Variants in C2orf72 observed in about 807,000 individuals in gnomAD.
C2orf72 encodes the protein chromosome 2 open reading frame 72, also known as uncharacterized protein C2orf72.
In C2orf72, 16 loss-of-function variants were observed where a neutral mutation model predicts 14.4. The observed-to-expected ratio is 1.11, with a 90% CI of 0.75 to 1.69. The LOEUF (loss-of-function observed/expected upper bound fraction) is 1.69, where lower values mean the gene tolerates loss of function less well. Ranked by LOEUF, C2orf72 falls within the 40% of genes most tolerant of loss-of-function variation. The pLI, the probability that C2orf72 is intolerant of heterozygous loss-of-function variation, is 0.00. For missense variants in C2orf72, 371 were observed against 358.3 expected, an observed-to-expected ratio of 1.04 and a Z score of -0.29; for synonymous variants, 168 against 176.8, an observed-to-expected ratio of 0.95 and a Z score of 0.40.
chr2:231,038,116 A>G lies in C2orf72; in HGVS notation c.551A>G (p.Tyr184Cys). The G allele has an allele frequency of 8.6e-7, 1 of 1,163,206 alleles. No homozygotes were observed. The allele number at this position is 1,163,206 out of a possible 1,614,324, so 72.1% of individuals were successfully genotyped here. ...GGGGGGCCCGTGCAGGCGGCCGCCTACTGCCCCGGCCTCCCGGCCTCCTGC... is the reference window on the plus strand; with the variant it reads ...GGGGGGCCCGTGCAGGCGGCCGCCTGCTGCCCCGGCCTCCCGGCCTCCTGC... The part of the protein sequence containing the change: ...QAGGPVQAAA[Y>C]CPGLPASCLA... Residue 184 changes from tyrosine to cysteine, a missense_variant, in exon 1 of 3, where the codon TAC becomes TGC. By Grantham distance (194) the Tyr-to-Cys change is radical (BLOSUM62 -2). Coordinates refer to ENST00000373640, the MANE Select transcript of C2orf72 (RefSeq NM_001144994.2).
At chr2:231,041,592 G>T (rs562567770) in intron 2 of C2orf72, among the ~76,000 whole-genome samples, 183 bp downstream of exon 2, 5 of 152,034 alleles carry the variant, frequency 3.3e-5, no homozygotes, top group African/African-American at 1.2e-4. Context: ...ACATGGGCTC[G>T]GTCAGGCTGG....
chr2:231,041,277 G>A lies in C2orf72; in HGVS notation c.635-19G>A, dbSNP rs756817878. The A allele has an allele frequency of 2.2e-5, 34 of 1,532,884 alleles. No homozygotes were observed. Among genetic ancestry groups the A allele is most frequent in the Non-Finnish European group, 2.5e-5 (28 of 1,133,044 alleles). The allele number at this position is 1,532,884 out of a possible 1,614,324, so 95.0% of individuals were successfully genotyped here. On this transcript the variant is annotated intron_variant, in intron 1 of 2. Transcript: ENST00000373640. ...GGGAACCATGTGACCCTCTGACTCAGGTTTTGTGTTCTTCCTAGTGGAAGG... is the reference window on the plus strand; with the variant it reads ...GGGAACCATGTGACCCTCTGACTCAAGTTTTGTGTTCTTCCTAGTGGAAGG...
Position 231,046,733 on chromosome 2 carries a change from G to A in C2orf72, c.749-149G>A, listed in dbSNP as rs1038050651. 8.2e-6 allele frequency: 6 copies of A among 733,212 alleles called. No homozygotes were observed. The Admixed American group carries it at 1.5e-4, about 18-fold the overall frequency. 45.4% of individuals were successfully genotyped at this position (733,212 alleles called of 1,614,324 possible). On this transcript the variant is annotated intron_variant, in intron 2 of 2. Transcript: ENST00000373640. ...TAGAAGTGAAATTTGTGGGTCAAAG[G>A]GTGTGTACATCGTTAAGGTTTTTGA...
At chr2:231,042,182 A>C (rs1693353022) in intron 2 of C2orf72, among the ~76,000 whole-genome samples, 1 of 152,118 alleles carries the variant, frequency 6.6e-6, no homozygotes, top group African/African-American at 2.4e-5. Flanking sequence ...TCATCAGGCC[A>C]CTAAATGGAA....
chr2:231,041,309 G>A lies in C2orf72; in HGVS notation c.648G>A (p.Trp216Ter), dbSNP rs1693336511. 1.3e-6 allele frequency: 2 copies of A among 1,550,774 alleles called. No homozygotes were observed. Among genetic ancestry groups the A allele is most frequent in the Non-Finnish European group, 1.7e-6 (2 of 1,146,524 alleles). ...TGTTCTTCCTAGTGGAAGGAGCCTG[G>A]GAGAGGCCAGGCCTCCCCGGACTGC... is the stretch of plus-strand genomic sequence containing the variant. ...AGAGQPVEGA[W>*]ERPGLPGLLA... The change falls in exon 2 of 3, where the codon TGG becomes TGA. Residue 216 changes from tryptophan to a stop codon, truncating the protein, a stop_gained. Coordinates refer to ENST00000373640, the MANE Select transcript of C2orf72 (RefSeq NM_001144994.2). LOFTEE classifies it high-confidence loss of function.
At chr2:231,044,962 T>TATATATATATATATATATATATATACAC (rs985747494) in intron 2 of C2orf72, among the ~76,000 whole-genome samples, 1 of 146,424 alleles carries the variant, frequency 6.8e-6, no homozygotes, top group Non-Finnish European at 1.5e-5. Context: ...TATATATATA[T>TATATATATATATATATATATATATACAC]ACACACACAC....
Position 231,048,020 on chromosome 2 carries a change from T to G in C2orf72, c.*999T>G, listed in dbSNP as rs1280852208. ...GGACTACTGGGTATAGGACTTGCTC[T>G]AGCTCTCAGGTCCTAGCCCAAGCTC... On this transcript the variant is annotated 3_prime_UTR_variant, in exon 3 of 3. Transcript: ENST00000373640. The G allele has an allele frequency of 6.6e-6, 1 of 152,306 alleles. No individual in the cohort carries two copies. Among genetic ancestry groups the G allele is most frequent in the Non-Finnish European group, 1.5e-5 (1 of 68,076 alleles). The allele number at this position is 152,306 out of a possible 1,614,324, so 9.4% of individuals were successfully genotyped here. A position where few individuals can be genotyped will look rare whatever the true frequency, so the allele number is the denominator to read the frequency against.
Position 231,041,365 on chromosome 2 carries a change from G to C in C2orf72, c.704G>C (p.Arg235Pro). ...TGCTTTTCCTGGGGTCCCTGGAGCC[G>C]GAGGAAGAACCAGGATGTTGCTGCC... ...LACFSWGPWS[R>P]RKNQDVAACR... is the part of the protein sequence containing the mutation. Residue 235 changes from arginine to proline, a missense_variant, in exon 2 of 3, where the codon CGG (arginine) becomes CCG (proline). Coordinates refer to ENST00000373640, the MANE Select transcript of C2orf72 (RefSeq NM_001144994.2). 4 of 1,551,524 alleles carry C rather than the reference G, an allele frequency of 2.6e-6. No individual in the cohort carries two copies. Among genetic ancestry groups the C allele is most frequent in the Non-Finnish European group, 3.5e-6 (4 of 1,146,942 alleles).
chr2:231,046,820 C>A lies in C2orf72; in HGVS notation c.749-62C>A, dbSNP rs1015167678. The A allele has an allele frequency of 2.7e-6, 4 of 1,478,614 alleles. No individual in the cohort carries two copies. In the African/African-American group the frequency reaches 5.7e-5, roughly 21 times the overall value. 91.6% of individuals were successfully genotyped at this position (1,478,614 alleles called of 1,614,324 possible). A position where few individuals can be genotyped will look rare whatever the true frequency, so the allele number is the denominator to read the frequency against. On this transcript the variant is annotated intron_variant, in intron 2 of 2. Transcript: ENST00000373640. ...TGGGGACAACTTTCTCCTTTTCCTT[C>A]CTAGATAACTCACTCACAACCTTTC...
intron 2 of C2orf72, among the ~76,000 whole-genome samples, chr2:231,045,314 T>C (rs1693401708): frequency 6.6e-6 from 1 of 151,822 alleles, no homozygotes; most frequent in Non-Finnish European, 1.5e-5. Flanking sequence ...GACAGTACAG[T>C]AACATAGTCA....
intron 2 of C2orf72, among the ~76,000 whole-genome samples, chr2:231,043,913 G>A (rs142721688): frequency 6.6e-6 from 1 of 152,190 alleles, no homozygotes; most frequent in African/African-American, 2.4e-5. Context: ...ACGATAGAGT[G>A]TACTTAGAAA....
chr2:231,046,291 AGTGTGTGTGTGTGTGTGTGTGT>A (rs34513584), intron 2 of C2orf72, among the ~76,000 whole-genome samples: 4 of 136,280 alleles, frequency 2.9e-5, no homozygotes, highest in African/African-American at 8.1e-5. Context: ...ACTTCTATGC[AGTGTGTGTGTGTGTGTGTGTGT>A]GTGTGTGTGT....
At chr2:231,040,045 T>C (rs1693319200) in intron 1 of C2orf72, among the ~76,000 whole-genome samples, 1 of 152,062 alleles carries the variant, frequency 6.6e-6, no homozygotes, top group African/African-American at 2.4e-5. Flanking sequence ...GCCCTGTCCC[T>C]CCTAAGCTTT....
Position 231,038,082 on chromosome 2 carries a change from C to T in C2orf72, c.517C>T (p.Arg173Cys). 1 of 1,142,288 alleles carries T rather than the reference C, an allele frequency of 8.8e-7. No individual in the cohort carries two copies. Among genetic ancestry groups the T allele is most frequent in the Non-Finnish European group, 1.1e-6 (1 of 931,198 alleles). 70.8% of individuals were successfully genotyped at this position (1,142,288 alleles called of 1,614,324 possible). A position where few individuals can be genotyped will look rare whatever the true frequency, so the allele number is the denominator to read the frequency against. The change falls in exon 1 of 3, where the codon CGC becomes TGC. Residue 173 changes from arginine (R) to cysteine (C), a missense_variant. Transcript: ENST00000373640. ...LEALLRAVFG[R>C]QAGGPVQAAA... ...GGCGCTGTTGCGCGCCGTGTTCGGC[C>T]GCCAGGCGGGGGGGCCCGTGCAGGC...
At position 231,049,336 on chromosome 2, in the gene C2orf72, G is replaced by C. The variant is rs560365255; in HGVS notation, c.*2315G>C. ...GGTTCTGCCTCCCAAGTGACAATAC[G>C]GGGCTGAGATCCCTCTCAGCTTCTT... On this transcript the variant is annotated 3_prime_UTR_variant, in exon 3 of 3. Coordinates refer to ENST00000373640, the MANE Select transcript of C2orf72 (RefSeq NM_001144994.2). 6.6e-6 allele frequency: 1 copy of C among 152,194 alleles called. No homozygotes were observed. The highest frequency in any genetic ancestry group is 6.5e-5 in the Admixed American group (1 of 15,282). The allele number at this position is 152,194 out of a possible 1,614,324, so 9.4% of individuals were successfully genotyped here. A position where few individuals can be genotyped will look rare whatever the true frequency, so the allele number is the denominator to read the frequency against.
intron 1 of C2orf72, among the ~76,000 whole-genome samples, chr2:231,040,922 A>T (rs890783615): frequency 6.6e-6 from 1 of 152,204 alleles, no homozygotes; most frequent in East Asian, 1.9e-4. Flanking sequence ...TAAAAAATGT[A>T]TCTATTCCTG....
At chr2:231,039,782 G>A (rs1052554595) in intron 1 of C2orf72, among the ~76,000 whole-genome samples, 1 of 149,302 alleles carries the variant, frequency 6.7e-6, no homozygotes, top group African/African-American at 2.5e-5. Flanking sequence ...TCTCTTTGTT[G>A]CCCAGGCTGG....
intron 1 of C2orf72, 58 bp from the exon 2 acceptor site, chr2:231,041,238 C>T: frequency 8.2e-7 from 1 of 1,219,052 alleles, no homozygotes. Context: ...CGAAATCTCT[C>T]AGTCTTGTGA....
Position 231,037,672 on chromosome 2 carries a change from T to C in C2orf72, c.107T>C (p.Val36Ala). The C allele has an allele frequency of 9.1e-7, 1 of 1,102,152 alleles. No individual in the cohort carries two copies. The allele number at this position is 1,102,152 out of a possible 1,614,324, so 68.3% of individuals were successfully genotyped here. ...GGGGGCCGCGGGCAGGTGCTGCTGG[T>C]GGGCGAGCTGTGGGAGCGCGAACAG... The part of the protein sequence containing the change: ...AAGGRGQVLL[V>A]GELWEREQSR... Residue 36 changes from valine (V) to alanine (A), a missense_variant, in exon 1 of 3, where the codon GTG becomes GCG. This residue lies in a region of C2orf72 where 214 missense variants were observed against 178.7 expected (regional missense o/e 1.20). Coordinates refer to ENST00000373640, the MANE Select transcript of C2orf72 (RefSeq NM_001144994.2).
Sources: gnomAD v4.1 joint callset for allele counts (sites outside exome capture counted in the v4.1 genomes callset) on GRCh38, gnomAD v4.1.1 for gene constraint, gnomAD v4.1.1 regional missense constraint, MANE v1.5 for transcripts, NCBI Gene and HGNC (gene_info 2026-07-23, HGNC 2026-07-21) for gene names.